The following BFSP1 variants were observed in gnomAD, a reference collection of about 807,000 sequenced individuals.
The protein encoded by BFSP1 is beaded filament structural protein 1, also known as filensin.
In BFSP1, 38 loss-of-function variants were observed where a neutral mutation model predicts 43.9. That is an observed-to-expected ratio of 0.87 (90% CI 0.67 to 1.14). The LOEUF (loss-of-function observed/expected upper bound fraction) is 1.14. Ranked by LOEUF, BFSP1 falls within the 50% of genes most tolerant of loss-of-function variation. The pLI, the probability that BFSP1 is intolerant of heterozygous loss-of-function variation, is 0.00. For missense variants in BFSP1, 850 were observed against 875.1 expected (o/e 0.97, Z 0.36); for synonymous variants, 352 against 354.8 (o/e 0.99, Z 0.09).
chr20:17,563,266 A>C (rs932325339), upstream of BFSP1, among the ~76,000 whole-genome samples: 2 of 152,220 alleles, frequency 1.3e-5, no homozygotes, highest in Non-Finnish European at 2.9e-5. Context: ...CCATATGACT[A>C]AGTTCTGGTC....
At chr20:17,498,740 CTG>C in intron 6 of BFSP1, 78 bp downstream of exon 6, 3 of 1,471,982 alleles carry the variant, frequency 2.0e-6, no homozygotes, top group Non-Finnish European at 2.8e-6. Context: ...CTGCCTATAA[CTG>C]TGCCTGGCAC....
At chr20:17,522,889 G>C (rs1472195001) in intron 2 of BFSP1, among the ~76,000 whole-genome samples, 1 of 152,206 alleles carries the variant, frequency 6.6e-6, no homozygotes, top group Non-Finnish European at 1.5e-5. Context: ...ATGCTCAGCT[G>C]TAGCAGGAGG....
chr20:17,501,936 G>C lies in BFSP1; in HGVS notation c.736-2896C>G, dbSNP rs546069999. Among the ~76,000 whole-genome samples the C allele has an allele frequency of 3.3e-5, 5 of 152,212 alleles. No individual in the cohort carries two copies. The South Asian group carries it at 8.3e-4, about 25-fold the overall frequency. On this transcript the variant is annotated intron_variant, in intron 5 of 7. Transcript: ENST00000377873. ...ACACATGAACGGGTCTGAGGCTGCC[G>C]CTCTGGAGTGGCGAGCTTTCATGTG...
Position 17,558,648 on chromosome 20 carries a change from A to G in BFSP1, c.2+40T>C. 5 of 1,546,042 alleles carry G rather than the reference A, an allele frequency of 3.2e-6. No homozygotes were observed. In the South Asian group the frequency reaches 4.8e-5, roughly 15 times the overall value. On this transcript the variant is annotated intron_variant, in intron 1 of 7. Transcript: ENST00000377868. ...TTTAAAGCAAAAAGAAAAAATGCTA[A>G]ACCTAGAATCCAACACTTGCCGTTT...
chr20:17,517,094 C>T, intron 2 of BFSP1: 2 of 829,390 alleles, frequency 2.4e-6, no homozygotes, highest in South Asian at 1.3e-5. Flanking sequence ...AGAAGTCTTA[C>T]ACCACTCCCA....
At chr20:17,560,975 T>G (rs1253368473), upstream of BFSP1, among the ~76,000 whole-genome samples, 2 of 152,228 alleles carry the variant, frequency 1.3e-5, no homozygotes, top group African/African-American at 2.4e-5. Flanking sequence ...AGAAAAACTC[T>G]CTTGTTTTTA....
At chr20:17,516,051 G>A (rs963901800) in intron 2 of BFSP1, among the ~76,000 whole-genome samples, 3 of 152,146 alleles carry the variant, frequency 2.0e-5, no homozygotes, top group East Asian at 1.9e-4. Flanking sequence ...ACTTGGGGCC[G>A]GGTGTGGTGG....
intron 1 of BFSP1, among the ~76,000 whole-genome samples, chr20:17,551,224 A>T (rs941947188): frequency 2.6e-5 from 4 of 152,222 alleles, no homozygotes; most frequent in Admixed American, 6.5e-5. Context: ...TGGCACCAGC[A>T]TCTGCTCGGC....
intron 1 of BFSP1, among the ~76,000 whole-genome samples, chr20:17,526,522 T>TAATATAC (rs2034428322): frequency 6.6e-6 from 1 of 152,228 alleles, no homozygotes; most frequent in Non-Finnish European, 1.5e-5. Context: ...TTTAAGGGTG[T>TAATATAC]ATAATATTCT....
intron 1 of BFSP1, among the ~76,000 whole-genome samples, chr20:17,547,897 ATTT>A (rs71192391): frequency 0.015 from 1,535 of 101,918 alleles, 13 homozygotes; most frequent in African/African-American, 0.046. Context: ...TGCCCGGCCA[ATTT>A]TTTTTTTTTT....
At chr20:17,548,467 G>A (rs1438726838) in intron 1 of BFSP1, among the ~76,000 whole-genome samples, 7 of 152,132 alleles carry the variant, frequency 4.6e-5, no homozygotes, top group Non-Finnish European at 5.9e-5. Flanking sequence ...AAAGCCTCAA[G>A]CCCAGCCACA....
At chr20:17,567,806 A>C (rs1243593841) in intron 1 of BFSP1, among the ~76,000 whole-genome samples, 1 of 151,160 alleles carries the variant, frequency 6.6e-6, no homozygotes, top group Non-Finnish European at 1.5e-5. Context: ...GGTTGCAGTG[A>C]CCCGAGATCG....
intron 2 of BFSP1, among the ~76,000 whole-genome samples, chr20:17,519,750 G>A (rs1193383799): frequency 1.3e-5 from 2 of 152,208 alleles, no homozygotes; most frequent in African/African-American, 2.4e-5. Context: ...TTAAGCAGAT[G>A]TTTCTGCAAG....
intron 2 of BFSP1, among the ~76,000 whole-genome samples, chr20:17,521,277 A>G (rs934246879): frequency 6.6e-6 from 1 of 152,216 alleles, no homozygotes; most frequent in African/African-American, 2.4e-5. Flanking sequence ...AGAGTGGCCT[A>G]CTATAATTTA....
upstream of BFSP1, among the ~76,000 whole-genome samples, chr20:17,534,687 T>C (rs2034598920): frequency 6.6e-6 from 1 of 152,092 alleles, no homozygotes; most frequent in Non-Finnish European, 1.5e-5. Context: ...GCTATGAAAA[T>C]GTTCCAGATT....
intron 1 of BFSP1, among the ~76,000 whole-genome samples, chr20:17,527,126 A>C (rs908243228): frequency 1.3e-5 from 2 of 152,278 alleles, no homozygotes; most frequent in African/African-American, 4.8e-5. Context: ...TCCCAGATCT[A>C]AAACCATCTG....
At position 17,494,309 on chromosome 20, in the gene BFSP1, G is replaced by A. The variant is rs767602858; in HGVS notation, c.1763C>T (p.Pro588Leu). 1.7e-5 allele frequency: 28 copies of A among 1,614,090 alleles called. No homozygotes were observed. Among genetic ancestry groups the A allele is most frequent in the Non-Finnish European group, 2.4e-5 (28 of 1,180,052 alleles). Reference sequence around the variant, plus strand: ...ATCCTGATCAGCCGCAGGCTTTGGAGGCTCAGGTATAGATGGTTCCTCTGC... The same window carrying A: ...ATCCTGATCAGCCGCAGGCTTTGGAAGCTCAGGTATAGATGGTTCCTCTGC... ...PGAEEPSIPE[P>L]PKPAADQDGA... Residue 588 changes from proline to leucine, a missense_variant, in exon 8 of 8, where the codon CCT becomes CTT. Transcript: ENST00000377873.
chr20:17,543,253 C>T (rs2034748620), intron 1 of BFSP1, among the ~76,000 whole-genome samples: 1 of 152,192 alleles, frequency 6.6e-6, no homozygotes, highest in Non-Finnish European at 1.5e-5. Context: ...TGCCGTGTAA[C>T]AAAGAAAAAA....
intron 5 of BFSP1, among the ~76,000 whole-genome samples, chr20:17,505,067 ACTTT>A (rs895163487): frequency 6.6e-6 from 1 of 152,188 alleles, no homozygotes; most frequent in Non-Finnish European, 1.5e-5. Flanking sequence ...TTAAAAAGTG[ACTTT>A]CTTTACTTCC....
Sources: allele counts gnomAD v4.1 joint callset (sites outside exome capture counted in the v4.1 genomes callset), GRCh38; gene constraint gnomAD v4.1.1; transcripts MANE v1.5; gene names NCBI Gene and HGNC (gene_info 2026-07-23, HGNC 2026-07-21).